The following TENM1 variants were observed in gnomAD, a reference collection of about 807,000 sequenced individuals.
TENM1 encodes teneurin-1.
Under a neutral mutation model 174.8 loss-of-function variants are expected in TENM1, and 35 were observed. The observed-to-expected ratio is 0.20, with a 90% CI of 0.15 to 0.27. The LOEUF is 0.27. TENM1 is among the 10% of genes least tolerant of loss of function. The probability of loss-of-function intolerance (pLI) is 1.00; values close to 1 mark genes in which losing one functional copy is unlikely to be tolerated. For missense variants in TENM1, 1,633 were observed against 2,130.1 expected, an observed-to-expected ratio of 0.77 and a Z score of 4.59; for synonymous variants, 781 against 798.7, an observed-to-expected ratio of 0.98 and a Z score of 0.37.
intron 1 of TENM1, among the ~76,000 whole-genome samples, chrX:124,960,672 T>C (rs971036777): frequency 8.9e-6 from 1 of 111,987 alleles, no homozygotes; most frequent in African/African-American, 3.2e-5. Flanking sequence ...AAATTGCTTA[T>C]GTTTTTAGAA....
At chrX:124,493,203 T>C (rs1427402891) in intron 20 of TENM1, among the ~76,000 whole-genome samples, 6 of 111,173 alleles carry the variant, frequency 5.4e-5, no homozygotes, top group African/African-American at 2.0e-4. Flanking sequence ...GCAATTAGAG[T>C]CCAAGTTATT....
At chrX:124,679,750 C>G (rs1204862310) in intron 5 of TENM1, among the ~76,000 whole-genome samples, 1 of 111,556 alleles carries the variant, frequency 9.0e-6, no homozygotes, top group Non-Finnish European at 1.9e-5. Flanking sequence ...AAGCATTTTT[C>G]AAGAACTAAA....
At chrX:124,405,103 T>C in exon 27 of TENM1, 3 of 1,211,908 alleles carry the variant, frequency 2.5e-6, no homozygotes, top group Non-Finnish European at 3.3e-6. Context: ...CGATGAGGTT[T>C]GCATTGTGCT....
the TENM1 span, among the ~76,000 whole-genome samples, chrX:125,098,773 T>C: frequency 8.9e-6 from 1 of 111,926 alleles, no homozygotes; most frequent in East Asian, 2.8e-4. Context: ...AAATTTACCA[T>C]CCAATTCGTG....
intron 6 of TENM1, among the ~76,000 whole-genome samples, chrX:124,659,418 A>G (rs916733356): frequency 8.9e-6 from 1 of 112,257 alleles, no homozygotes; most frequent in Admixed American, 9.4e-5. Flanking sequence ...TAATTCAGTA[A>G]AAGAAACTGT....
At chrX:124,420,290 T>C in intron 25 of TENM1, 21 bp downstream of exon 28, 1 of 1,179,274 alleles carries the variant, frequency 8.5e-7, no homozygotes, top group Non-Finnish European at 1.1e-6. Context: ...ACAAAGCCCA[T>C]GTCAAGAATT....
the TENM1 span, among the ~76,000 whole-genome samples, chrX:125,065,707 CTTCAT>C: frequency 8.9e-6 from 1 of 111,811 alleles, no homozygotes; most frequent in African/African-American, 3.3e-5. Flanking sequence ...TTTCAAGTCC[CTTCAT>C]GTGTAAAGTC....
intron 3 of TENM1, among the ~76,000 whole-genome samples, chrX:124,756,981 A>T (rs1267443984): frequency 2.7e-5 from 3 of 112,062 alleles, no homozygotes; most frequent in Non-Finnish European, 1.9e-5. Flanking sequence ...CCGTTCTCAG[A>T]TCTCCAGCTG....
At chrX:124,443,383 C>T (rs762425907) in intron 23 of TENM1, among the ~76,000 whole-genome samples, 2 of 110,680 alleles carry the variant, frequency 1.8e-5, no homozygotes, top group South Asian at 3.8e-4. Flanking sequence ...AGGAGAATGA[C>T]GACAGAGAAT....
chrX:124,825,687 T>C (rs1187230446), intron 3 of TENM1, among the ~76,000 whole-genome samples: 1 of 112,274 alleles, frequency 8.9e-6, no homozygotes, highest in African/African-American at 3.2e-5. Context: ...AACTTATATA[T>C]GTTTGCATAA....
intron 23 of TENM1, among the ~76,000 whole-genome samples, chrX:124,441,136 C>T (rs1455379723): frequency 8.9e-6 from 1 of 111,882 alleles, no homozygotes; most frequent in Non-Finnish European, 1.9e-5. Context: ...TGGAGAAACT[C>T]AGGCTCAGAG....
intron 3 of TENM1, among the ~76,000 whole-genome samples, chrX:124,877,549 A>G (rs982344029): frequency 5.4e-5 from 6 of 111,997 alleles, no homozygotes; most frequent in African/African-American, 1.9e-4. Context: ...GTCATGGACT[A>G]CTTTATAATC....
At chrX:124,483,106 T>C (rs185458002) in intron 21 of TENM1, among the ~76,000 whole-genome samples, 195 of 112,113 alleles carry the variant, frequency 1.7e-3, no homozygotes, top group African/African-American at 6.1e-3. Context: ...TGCAGAGTTA[T>C]TCTGATCATT....
chrX:124,769,828 C>G lies in TENM1; in HGVS notation c.536-32631G>C, dbSNP rs1192552164. ...CATCTGGAGAAAAAATTAGCCAAAG[C>G]AGAAGAACTCTAGAGTACCAATAAA... On this transcript the variant is annotated intron_variant, in intron 3 of 31. Transcript: ENST00000422452. Among the ~76,000 whole-genome samples, 2 of 111,804 alleles carry G rather than the reference C, an allele frequency of 1.8e-5. 1 individual carries two copies. Among genetic ancestry groups the G allele is most frequent in the Non-Finnish European group, 3.8e-5 (2 of 53,088 alleles).
At chrX:124,902,539 A>G (rs2057680699) in intron 1 of TENM1, among the ~76,000 whole-genome samples, 1 of 112,666 alleles carries the variant, frequency 8.9e-6, no homozygotes, top group Non-Finnish European at 1.9e-5. Context: ...GCTCCAGGGA[A>G]AAATGCAATG....
the TENM1 span, among the ~76,000 whole-genome samples, chrX:125,121,128 A>C: frequency 8.9e-6 from 1 of 111,991 alleles, no homozygotes; most frequent in South Asian, 3.7e-4. Context: ...ATATTTTGAT[A>C]ACGTGACAAG....
chrX:124,766,435 A>C (rs2054540776), intron 3 of TENM1, among the ~76,000 whole-genome samples: 1 of 111,651 alleles, frequency 9.0e-6, no homozygotes, highest in African/African-American at 3.2e-5. Context: ...CTTTTGTTTC[A>C]GTTTTGTATA....
chrX:124,429,025 T>C (rs1162257942), intron 23 of TENM1, among the ~76,000 whole-genome samples: 1 of 112,220 alleles, frequency 8.9e-6, no homozygotes, highest in Admixed American at 9.5e-5. Context: ...GTTTACTGAA[T>C]GCCTGCTGGG....
chrX:125,070,794 G>A, the TENM1 span, among the ~76,000 whole-genome samples: 4 of 111,577 alleles, frequency 3.6e-5, no homozygotes, highest in Admixed American at 9.5e-5. Flanking sequence ...AGAACTAACA[G>A]GGGCAATCAT....
Sources: allele counts gnomAD v4.1 joint callset (sites outside exome capture counted in the v4.1 genomes callset), GRCh38; gene constraint gnomAD v4.1.1; transcripts MANE v1.5; gene names NCBI Gene and HGNC (gene_info 2026-07-23, HGNC 2026-07-21).